Variants in PPM1L observed in about 807,000 individuals in gnomAD.
The protein encoded by PPM1L is protein phosphatase, Mg2+/Mn2+ dependent 1L.
A neutral mutation model predicts 31.4 loss-of-function variants in PPM1L; 13 were observed. That is an observed-to-expected ratio of 0.41 (90% confidence interval 0.27 to 0.66). PPM1L has a LOEUF of 0.66. Among genes scored for constraint, PPM1L ranks in the 30% least tolerant of loss-of-function variants. The pLI is 0.29. For missense variants in PPM1L, 326 were observed against 453.7 expected, an observed-to-expected ratio of 0.72 and a Z score of 2.56; for synonymous variants, 184 against 175.4, an observed-to-expected ratio of 1.05 and a Z score of -0.39.
chr3:160,981,406 G>T (rs1325200183), intron 2 of PPM1L, among the ~76,000 whole-genome samples: 4 of 152,248 alleles, frequency 2.6e-5, no homozygotes, highest in East Asian at 3.9e-4. Flanking sequence ...TCTTCATAAG[G>T]CCTCTTGCCA....
chr3:161,063,832 T>C (rs1475238602), intron 2 of PPM1L, among the ~76,000 whole-genome samples: 2 of 152,202 alleles, frequency 1.3e-5, no homozygotes, highest in Non-Finnish European at 2.9e-5. Context: ...CGGAATACTA[T>C]GCAGCCATAA....
chr3:160,950,403 G>A (rs539135099), intron 1 of PPM1L, among the ~76,000 whole-genome samples: 20 of 152,250 alleles, frequency 1.3e-4, no homozygotes, highest in Non-Finnish European at 8.8e-5. Context: ...CTCACATCAC[G>A]CTAAATAAGG....
intron 1 of PPM1L, among the ~76,000 whole-genome samples, chr3:160,823,682 G>A (rs59542611): frequency 0.45 from 69,004 of 151,886 alleles, 17,342 homozygotes; most frequent in African/African-American, 0.68. Flanking sequence ...TGCCAAATAC[G>A]CTATGCTTTT....
chr3:161,068,201 C>T (rs1322972072), intron 3 of PPM1L, among the ~76,000 whole-genome samples: 3 of 152,160 alleles, frequency 2.0e-5, no homozygotes, highest in African/African-American at 7.2e-5. Context: ...GATACTGTCT[C>T]TATTTTGTAG....
chr3:160,758,279 C>A (rs969342604), intron 1 of PPM1L, among the ~76,000 whole-genome samples: 1 of 152,084 alleles, frequency 6.6e-6, no homozygotes, highest in Non-Finnish European at 1.5e-5. Context: ...GACAAAGTTG[C>A]CAGTATAATG....
intron 1 of PPM1L, among the ~76,000 whole-genome samples, chr3:160,913,557 T>G (rs1714044997): frequency 6.6e-6 from 1 of 152,146 alleles, no homozygotes; most frequent in South Asian, 2.1e-4. Flanking sequence ...CCAGTTATTC[T>G]CTACCCTGAT....
intron 1 of PPM1L, among the ~76,000 whole-genome samples, chr3:160,812,772 G>A (rs980193415): frequency 6.6e-6 from 1 of 152,190 alleles, no homozygotes; most frequent in Admixed American, 6.5e-5. Context: ...GAGGGGGGCA[G>A]CTGGCCAGGA....
intron 2 of PPM1L, among the ~76,000 whole-genome samples, chr3:160,992,100 A>G (rs1340755996): frequency 2.0e-5 from 3 of 152,206 alleles, no homozygotes; most frequent in African/African-American, 7.2e-5. Flanking sequence ...CCAGAATTCG[A>G]ACCCAGGAAA....
intron 1 of PPM1L, among the ~76,000 whole-genome samples, chr3:160,792,476 G>A (rs1294050333): frequency 2.0e-5 from 3 of 151,928 alleles, no homozygotes; most frequent in African/African-American, 4.8e-5. Context: ...GTTCCCATAT[G>A]CTTTACACCC....
chr3:160,830,491 C>T (rs371618206), intron 1 of PPM1L, among the ~76,000 whole-genome samples: 15 of 152,176 alleles, frequency 9.9e-5, no homozygotes, highest in East Asian at 1.9e-4. Context: ...TTATTCCCAC[C>T]GTACCCTGAA....
chr3:160,910,280 C>CCCCTTA (rs1713923398), intron 1 of PPM1L, among the ~76,000 whole-genome samples: 1 of 116,022 alleles, frequency 8.6e-6, no homozygotes. Flanking sequence ...CCTTCCCCTT[C>CCCCTTA]CCTTTCCCCT....
chr3:161,022,045 G>GT, intron 2 of PPM1L: 1 of 489,554 alleles, frequency 2.0e-6, no homozygotes, highest in South Asian at 3.3e-5. Flanking sequence ...TTTACTATTT[G>GT]TTTTTTATAT....
chr3:160,932,985 A>T (rs1714836026), intron 1 of PPM1L, among the ~76,000 whole-genome samples: 1 of 152,198 alleles, frequency 6.6e-6, no homozygotes, highest in South Asian at 2.1e-4. Context: ...CTTTCCCTTT[A>T]AAACAAGCAG....
At chr3:160,983,096 G>A (rs895312403) in intron 2 of PPM1L, among the ~76,000 whole-genome samples, 11 of 152,086 alleles carry the variant, frequency 7.2e-5, no homozygotes, top group African/African-American at 2.2e-4. Context: ...TTTTGTACTC[G>A]AGAATCAGCT....
chr3:160,878,265 G>A (rs1712584747), intron 1 of PPM1L, among the ~76,000 whole-genome samples: 1 of 152,156 alleles, frequency 6.6e-6, no homozygotes, highest in Non-Finnish European at 1.5e-5. Flanking sequence ...GAGAAGGCAT[G>A]GAATAGTAGT....
At chr3:160,842,332 G>T in intron 1 of PPM1L, 1 of 701,434 alleles carries the variant, frequency 1.4e-6, no homozygotes, top group Non-Finnish European at 2.6e-6. Context: ...GACTCATGAT[G>T]GGGGGTAATG....
chr3:160,791,586 G>C (rs1033294916), intron 1 of PPM1L, among the ~76,000 whole-genome samples: 20 of 152,124 alleles, frequency 1.3e-4, no homozygotes, highest in African/African-American at 4.8e-4. Context: ...GCTGACATTA[G>C]AACAGTGATC....
intron 2 of PPM1L, among the ~76,000 whole-genome samples, chr3:160,972,574 C>T (rs549988599): frequency 1.3e-4 from 20 of 152,226 alleles, no homozygotes; most frequent in African/African-American, 4.8e-4. Flanking sequence ...GTATATGTGC[C>T]ACATTTTCTT....
chr3:161,060,567 C>T (rs1160742844), intron 2 of PPM1L, among the ~76,000 whole-genome samples: 1 of 151,990 alleles, frequency 6.6e-6, no homozygotes, highest in African/African-American at 2.4e-5. Flanking sequence ...GACTGAATGT[C>T]AGGAAAGAGG....
Sources: gnomAD v4.1 joint callset for allele counts (sites outside exome capture counted in the v4.1 genomes callset) on GRCh38, gnomAD v4.1.1 for gene constraint, MANE v1.5 for transcripts, NCBI Gene and HGNC (gene_info 2026-07-23, HGNC 2026-07-21) for gene names.